DRC10: variants seen among roughly 807,000 people sequenced by gnomAD.
DRC10 encodes the protein IQ domain-containing protein D.
chr12:113,208,486 C>A, the DRC10 span: 2 of 426,922 alleles, frequency 4.7e-6, no homozygotes, highest in Non-Finnish European at 3.6e-6. Context: ...CAGGCGGGGA[C>A]CAGCCAGGCA....
chr12:113,217,872 G>A, the DRC10 span, among the ~76,000 whole-genome samples: 1 of 152,128 alleles, frequency 6.6e-6, no homozygotes, highest in African/African-American at 2.4e-5. Flanking sequence ...CATATAAATG[G>A]GATCATGCAG....
At chr12:113,211,716 A>T in the DRC10 span, among the ~76,000 whole-genome samples, 2 of 152,092 alleles carry the variant, frequency 1.3e-5, no homozygotes, top group Non-Finnish European at 2.9e-5. Context: ...TGATTCACAC[A>T]CACTTCCTGC....
chr12:113,218,854 A>G, the DRC10 span, among the ~76,000 whole-genome samples: 1 of 152,236 alleles, frequency 6.6e-6, no homozygotes, highest in Non-Finnish European at 1.5e-5. Flanking sequence ...CTAAGGAAAT[A>G]TCATGAGTTA....
chr12:113,214,070 T>C, the DRC10 span, among the ~76,000 whole-genome samples: 2 of 152,190 alleles, frequency 1.3e-5, no homozygotes, highest in Non-Finnish European at 2.9e-5. Flanking sequence ...CCTCCAAACC[T>C]CTAGCTTTCT....
chr12:113,211,899 A>G, the DRC10 span, among the ~76,000 whole-genome samples: 2 of 151,618 alleles, frequency 1.3e-5, no homozygotes, highest in African/African-American at 4.8e-5. Context: ...GACCTCTACA[A>G]AAAGTTAAAA....
At chr12:113,209,533 A>G in the DRC10 span, among the ~76,000 whole-genome samples, 4 of 152,292 alleles carry the variant, frequency 2.6e-5, no homozygotes, top group South Asian at 2.1e-4. Flanking sequence ...CTAGGACTAT[A>G]GGTGCTCGAT....
chr12:113,208,112 T>G, the DRC10 span: 1 of 1,614,274 alleles, frequency 6.2e-7, no homozygotes, highest in South Asian at 1.1e-5. Flanking sequence ...GGCCCTATTC[T>G]GTTGATGGCA....
the DRC10 span, among the ~76,000 whole-genome samples, chr12:113,220,830 T>G: frequency 2.6e-5 from 4 of 152,128 alleles, no homozygotes; most frequent in Non-Finnish European, 1.5e-5. Flanking sequence ...CCCTGCAGGT[T>G]GTGGAGCGAA....
chr12:113,214,462 CACCACTG>C, the DRC10 span, among the ~76,000 whole-genome samples: 2 of 142,702 alleles, frequency 1.4e-5, no homozygotes, highest in African/African-American at 5.3e-5. Context: ...GCTGAGATCG[CACCACTG>C]CACACTCCAG....
chr12:113,204,887 C>G, the DRC10 span, among the ~76,000 whole-genome samples: 4 of 151,914 alleles, frequency 2.6e-5, no homozygotes, highest in Non-Finnish European at 5.9e-5. Context: ...TGAGATCATG[C>G]CATTATACTC....
chr12:113,218,173 G>C, the DRC10 span, among the ~76,000 whole-genome samples: 2 of 145,252 alleles, frequency 1.4e-5, no homozygotes, highest in African/African-American at 5.1e-5. Context: ...TTTTGCTCTC[G>C]TTTCCCAGGC....
At chr12:113,197,752 C>T in the DRC10 span, 8 of 649,780 alleles carry the variant, frequency 1.2e-5, no homozygotes, top group Admixed American at 2.3e-5. Flanking sequence ...TTCTCCATTT[C>T]ACAGGGGAGA....
At chr12:113,207,185 TA>T in the DRC10 span, 1 of 515,884 alleles carries the variant, frequency 1.9e-6, no homozygotes, top group South Asian at 2.0e-5. Context: ...CTGTCTCTAC[TA>T]AAAATACAAA....
the DRC10 span, among the ~76,000 whole-genome samples, chr12:113,214,362 C>T: frequency 6.6e-6 from 1 of 151,670 alleles, no homozygotes; most frequent in South Asian, 2.1e-4. Context: ...AAAAATTAGC[C>T]GGGTGTGGTG....
the DRC10 span, among the ~76,000 whole-genome samples, chr12:113,214,455 G>C: frequency 7.0e-6 from 1 of 143,700 alleles, no homozygotes; most frequent in African/African-American, 2.6e-5. Context: ...GCAGTGAGCT[G>C]AGATCGCACC....
chr12:113,219,509 T>TA, the DRC10 span, among the ~76,000 whole-genome samples: 1 of 152,206 alleles, frequency 6.6e-6, no homozygotes, highest in African/African-American at 2.4e-5. Flanking sequence ...TTTTGCCCAT[T>TA]AAAAAAATTG....
At chr12:113,198,420 TA>T in the DRC10 span, among the ~76,000 whole-genome samples, 1 of 152,196 alleles carries the variant, frequency 6.6e-6, no homozygotes, top group African/African-American at 2.4e-5. Context: ...GGACATGATC[TA>T]ATCTTGTTTT....
chr12:113,217,151 A>C, the DRC10 span, among the ~76,000 whole-genome samples: 1 of 152,108 alleles, frequency 6.6e-6, no homozygotes, highest in Non-Finnish European at 1.5e-5. Flanking sequence ...CTAATGTATA[A>C]TGTTCCTTTT....
the DRC10 span, among the ~76,000 whole-genome samples, chr12:113,214,038 A>C: frequency 6.6e-6 from 1 of 152,166 alleles, no homozygotes; most frequent in South Asian, 2.1e-4. Context: ...TTTTCTTTTT[A>C]GCCTCAGAAA....
Sources: allele counts gnomAD v4.1 joint callset (sites outside exome capture counted in the v4.1 genomes callset), GRCh38; gene constraint gnomAD v4.1.1; transcripts MANE v1.5; gene names NCBI Gene and HGNC (gene_info 2026-07-23, HGNC 2026-07-21).